CA5B: variants seen among roughly 807,000 people sequenced by gnomAD.
CA5B encodes carbonic anhydrase 5B.
Under a neutral mutation model 23.1 loss-of-function variants are expected in CA5B, and 15 were observed. That is an observed-to-expected ratio of 0.65 (90% CI 0.43 to 1.00). The LOEUF (loss-of-function observed/expected upper bound fraction) is 1.00. CA5B is among the 50% of genes least tolerant of loss of function. The pLI is 0.00. For missense variants in CA5B, 236 were observed against 252.2 expected (o/e 0.94, Z 0.43); for synonymous variants, 84 against 98.5 (o/e 0.85, Z 0.87).
At chrX:15,778,028 T>C (rs1336898418) in intron 7 of CA5B, among the ~76,000 whole-genome samples, 1 of 111,847 alleles carries the variant, frequency 8.9e-6, no homozygotes, top group Non-Finnish European at 1.9e-5. Flanking sequence ...AATATCAATT[T>C]CTAGAAATCA....
intron 2 of CA5B, among the ~76,000 whole-genome samples, chrX:15,758,626 C>T (rs1307526849): frequency 9.0e-6 from 1 of 111,634 alleles, no homozygotes; most frequent in Non-Finnish European, 1.9e-5. Flanking sequence ...CCTGCCTCAG[C>T]CTCTCAAGTA....
chrX:15,781,081 T>C (rs1253144184), intron 7 of CA5B, among the ~76,000 whole-genome samples: 1 of 109,757 alleles, frequency 9.1e-6, no homozygotes, highest in Non-Finnish European at 1.9e-5. Context: ...CTCGGCTCAC[T>C]GCAACCTCCA....
rs1467244736 is a variant in CA5B at position 15,775,812 on chromosome X, A to C, written c.618+504A>C. Reference sequence around the variant, plus strand: ...CATATATTCTCTTCTTCTCCCTCTCATCCCCCACTGTATCCCTCTGGTCCC... The same window carrying C: ...CATATATTCTCTTCTTCTCCCTCTCCTCCCCCACTGTATCCCTCTGGTCCC... On this transcript the variant is annotated intron_variant, in intron 6 of 7. Coordinates refer to ENST00000318636, the MANE Select transcript of CA5B (RefSeq NM_007220.4). 13 of 732,178 alleles carry C rather than the reference A, an allele frequency of 1.8e-5. No homozygotes were observed. The East Asian group carries it at 1.7e-3, about 98-fold the overall frequency. 60.3% of individuals were successfully genotyped at this position (732,178 alleles called of 1,213,427 possible).
intron 7 of CA5B, among the ~76,000 whole-genome samples, chrX:15,781,874 A>G (rs1251745186): frequency 9.2e-6 from 1 of 108,937 alleles, no homozygotes; most frequent in East Asian, 2.9e-4. Flanking sequence ...TGATCACACC[A>G]CTGCATTCTA....
At chrX:15,749,471 A>T (rs913459884) in intron 1 of CA5B, among the ~76,000 whole-genome samples, 2 of 111,768 alleles carry the variant, frequency 1.8e-5, no homozygotes, top group Non-Finnish European at 3.8e-5. Context: ...TTTTGGCAGG[A>T]TGTATCTTGG....
intron 6 of CA5B, chrX:15,775,651 C>T: frequency 6.4e-6 from 5 of 780,922 alleles, no homozygotes; most frequent in Non-Finnish European, 7.6e-6. Flanking sequence ...GGGAGCAGAG[C>T]GCAGTTCTAC....
chrX:15,738,588 A>G (rs1195336501), intron 1 of CA5B, among the ~76,000 whole-genome samples: 1 of 111,078 alleles, frequency 9.0e-6, no homozygotes, highest in Non-Finnish European at 1.9e-5. Flanking sequence ...GGGAGTTACC[A>G]AACGGCTGTC....
chrX:15,779,927 C>T (rs765814021), intron 7 of CA5B, among the ~76,000 whole-genome samples: 145 of 111,739 alleles, frequency 1.3e-3, no homozygotes, highest in African/African-American at 3.3e-3. Flanking sequence ...TTTGTAAATA[C>T]GATTTCAACA....
At chrX:15,779,629 G>A (rs1931986590) in intron 7 of CA5B, among the ~76,000 whole-genome samples, 1 of 111,538 alleles carries the variant, frequency 9.0e-6, no homozygotes, top group Non-Finnish European at 1.9e-5. Context: ...GCAGGCATTT[G>A]GGGGAAAAAA....
At chrX:15,778,290 G>T (rs1931966253) in intron 7 of CA5B, among the ~76,000 whole-genome samples, 1 of 111,721 alleles carries the variant, frequency 9.0e-6, no homozygotes, top group South Asian at 3.7e-4. Flanking sequence ...AACCTAAGTT[G>T]TCATTCTCCA....
At chrX:15,744,759 C>T (rs897035457) in intron 1 of CA5B, among the ~76,000 whole-genome samples, 6 of 111,192 alleles carry the variant, frequency 5.4e-5, no homozygotes, top group Non-Finnish European at 9.4e-5. Context: ...GTTAAATTGT[C>T]TCTCTCCTAC....
intron 2 of CA5B, among the ~76,000 whole-genome samples, chrX:15,762,268 TA>T (rs773084641): frequency 3.3e-3 from 314 of 95,618 alleles, no homozygotes; most frequent in African/African-American, 3.6e-3. Context: ...AGACTCCATC[TA>T]AAAAAAAAAA....
intron 3 of CA5B, among the ~76,000 whole-genome samples, chrX:15,766,747 A>C (rs1389685791): frequency 1.8e-5 from 2 of 112,233 alleles, no homozygotes; most frequent in Middle Eastern, 4.6e-3. Flanking sequence ...GAGGAATAAA[A>C]AAGATAAGAA....
chrX:15,772,235 A>G (rs1314201223), intron 3 of CA5B, among the ~76,000 whole-genome samples: 2 of 112,844 alleles, frequency 1.8e-5, no homozygotes, highest in Admixed American at 9.4e-5. Flanking sequence ...ACACAATAAT[A>G]TAGGATATAA....
At chrX:15,779,652 A>G in intron 7 of CA5B, among the ~76,000 whole-genome samples, 2 of 111,860 alleles carry the variant, frequency 1.8e-5, no homozygotes, top group Admixed American at 1.9e-4. Flanking sequence ...TGGATCCATC[A>G]TTCAGACCTT....
intron 2 of CA5B, among the ~76,000 whole-genome samples, 183 bp from the exon 3 acceptor site, chrX:15,764,395 C>T (rs1189835911): frequency 1.8e-5 from 2 of 110,640 alleles, no homozygotes; most frequent in Non-Finnish European, 3.8e-5. Context: ...TGTACCACCA[C>T]GCCTGGATAA....
intron 1 of CA5B, among the ~76,000 whole-genome samples, chrX:15,743,039 G>A (rs1436857808): frequency 8.9e-6 from 1 of 112,282 alleles, no homozygotes; most frequent in Non-Finnish European, 1.9e-5. Flanking sequence ...CAGAAGTCTT[G>A]ATCTGTCATC....
chrX:15,749,570 A>G (rs1931314694), intron 1 of CA5B, among the ~76,000 whole-genome samples: 1 of 110,605 alleles, frequency 9.0e-6, no homozygotes, highest in African/African-American at 3.3e-5. Context: ...GTCAGCCTGG[A>G]GGGAGCTTTA....
Position 15,776,710 on chromosome X carries a change from C to A in CA5B, c.619-4C>A. 7 of 1,203,873 alleles carry A rather than the reference C, an allele frequency of 5.8e-6. No individual in the cohort carries two copies. Among genetic ancestry groups the A allele is most frequent in the Non-Finnish European group, 7.9e-6 (7 of 888,931 alleles). The stretch of plus-strand genomic sequence containing the variant: ...ATGACTCGGTTATCTCTTCTCTTGG[C>A]CAGGACGCCCTTGTGGAATTTGGGT... On this transcript the variant is annotated splice_polypyrimidine_tract_variant and splice_region_variant and intron_variant, in intron 6 of 7. Transcript: ENST00000318636.
Sources: gnomAD v4.1 joint callset for allele counts (sites outside exome capture counted in the v4.1 genomes callset) on GRCh38, gnomAD v4.1.1 for gene constraint, MANE v1.5 for transcripts, NCBI Gene and HGNC (gene_info 2026-07-23, HGNC 2026-07-21) for gene names.